ATP8B4: variants seen among roughly 807,000 people sequenced by gnomAD.
ATP8B4 encodes the protein ATPase phospholipid transporting 8B4 (putative), also known as probable phospholipid-transporting ATPase IM.
ATP8B4 carries 133 observed loss-of-function variants against 145.6 expected under a neutral mutation model. The ratio of observed to expected loss-of-function variants is 0.91; its 90% CI spans 0.79 to 1.05. The LOEUF is 1.05. ATP8B4 is among the 50% of genes least tolerant of loss of function. The probability of loss-of-function intolerance (pLI) is 0.00; values close to 1 mark genes in which losing one functional copy is unlikely to be tolerated. For synonymous variants in ATP8B4, 507 were observed against 492.9 expected (o/e 1.03, Z -0.38); for missense variants, 1,458 against 1,425.2 (o/e 1.02, Z -0.37).
intron 9 of ATP8B4, among the ~76,000 whole-genome samples, chr15:49,992,238 G>A (rs2413997): frequency 0.66 from 100,218 of 152,038 alleles, 34,593 homozygotes; most frequent in East Asian, 0.99. Flanking sequence ...TCACATATCA[G>A]CATCATGTTT....
chr15:50,087,356 T>A (rs1302761403), intron 2 of ATP8B4, among the ~76,000 whole-genome samples: 4 of 43,322 alleles, frequency 9.2e-5, no homozygotes, highest in Admixed American at 2.7e-4. Flanking sequence ...ATCTATATAT[T>A]ATATATAATA....
chr15:50,164,028 T>C (rs781017720), intron 1 of ATP8B4, among the ~76,000 whole-genome samples: 1 of 152,136 alleles, frequency 6.6e-6, no homozygotes, highest in Non-Finnish European at 1.5e-5. Flanking sequence ...TTCTGGGCAG[T>C]GGGCTCCCCT....
chr15:50,158,502 G>A (rs552039670), intron 1 of ATP8B4, among the ~76,000 whole-genome samples: 305 of 150,244 alleles, frequency 2.0e-3, no homozygotes, highest in African/African-American at 7.2e-3. Flanking sequence ...GCCTCCGCCC[G>A]GCCAGCCGCC....
At chr15:49,957,976 T>C (rs1469715041) in intron 14 of ATP8B4, among the ~76,000 whole-genome samples, 1 of 151,774 alleles carries the variant, frequency 6.6e-6, no homozygotes, top group Non-Finnish European at 1.5e-5. Flanking sequence ...TTCTTAAGGG[T>C]CCTGAAACAT....
chr15:50,169,117 G>A (rs773786752), intron 1 of ATP8B4, among the ~76,000 whole-genome samples: 45 of 152,044 alleles, frequency 3.0e-4, no homozygotes, highest in Non-Finnish European at 5.3e-4. Context: ...GAAGAAAAAC[G>A]GCCTATAATC....
At chr15:49,887,591 G>A (rs577914866) in intron 23 of ATP8B4, among the ~76,000 whole-genome samples, 71 of 151,834 alleles carry the variant, frequency 4.7e-4, no homozygotes, top group African/African-American at 1.6e-3. Flanking sequence ...CTCTGAACAA[G>A]AGAGAAAAGC....
intron 3 of ATP8B4, among the ~76,000 whole-genome samples, chr15:50,069,044 A>G (rs1034067945): frequency 2.0e-5 from 3 of 152,332 alleles, no homozygotes; most frequent in Non-Finnish European, 2.9e-5. Flanking sequence ...AACATATTTT[A>G]AAACAACTGT....
chr15:49,908,023 C>G (rs1016694618), intron 20 of ATP8B4: 30 of 455,878 alleles, frequency 6.6e-5, no homozygotes, highest in African/African-American at 6.0e-4. Context: ...GAACCACGGA[C>G]TACTTTGGGC....
chr15:49,862,295 C>CCA lies in ATP8B4; in HGVS notation c.3245_3246dup (p.Val1083TrpfsTer7). 6.2e-7 allele frequency: 1 copy of CCA among 1,613,744 alleles called. No individual in the cohort carries two copies. The highest frequency in any genetic ancestry group is 8.5e-7 in the Non-Finnish European group (1 of 1,179,700). On this transcript the variant is annotated frameshift_variant, in exon 27 of 28. Transcript: ENST00000284509. LOFTEE classifies it high-confidence loss of function. The stretch of plus-strand genomic sequence containing the variant: ...TCCACCTTCAAAAATCTGAATGCCA[C>CCA]CACTGGCATAACTGAAGCCACTGTT...
intron 14 of ATP8B4, 102 bp downstream of exon 14, chr15:49,961,875 T>C: frequency 1.0e-6 from 1 of 991,156 alleles, no homozygotes; most frequent in South Asian, 1.6e-5. Context: ...AAGTATCTCA[T>C]CTGGTCTTGG....
intron 20 of ATP8B4, among the ~76,000 whole-genome samples, chr15:49,909,182 C>A (rs2038957027): frequency 6.6e-6 from 1 of 152,110 alleles, no homozygotes; most frequent in Admixed American, 6.5e-5. Context: ...ACCTAGGGGC[C>A]TGGGGATCAC....
intron 9 of ATP8B4, among the ~76,000 whole-genome samples, chr15:49,994,686 G>A (rs1394095236): frequency 6.6e-6 from 1 of 151,978 alleles, no homozygotes; most frequent in East Asian, 1.9e-4. Context: ...TGCTGAAGAG[G>A]GGGATGCTTA....
At chr15:50,110,114 T>C (rs570494515) in intron 1 of ATP8B4, among the ~76,000 whole-genome samples, 1 of 152,370 alleles carries the variant, frequency 6.6e-6, no homozygotes, top group Non-Finnish European at 1.5e-5. Context: ...TAGAAAATAT[T>C]CTGTCACGGT....
intron 6 of ATP8B4, among the ~76,000 whole-genome samples, chr15:50,037,180 T>C (rs1243564033): frequency 6.6e-6 from 1 of 152,218 alleles, no homozygotes; most frequent in Non-Finnish European, 1.5e-5. Flanking sequence ...GAGTTATTAG[T>C]TCAAATTCAC....
intron 2 of ATP8B4, among the ~76,000 whole-genome samples, chr15:50,106,728 C>T (rs1244505021): frequency 6.6e-6 from 1 of 152,088 alleles, no homozygotes; most frequent in African/African-American, 2.4e-5. Context: ...AAAAGGAGCA[C>T]AAGGGAACTT....
intron 6 of ATP8B4, among the ~76,000 whole-genome samples, chr15:50,029,255 A>AAAAAAAAAAAAAAAAAAAACAAC (rs776952913): frequency 2.1e-5 from 3 of 141,270 alleles, no homozygotes; most frequent in Non-Finnish European, 1.6e-5. Flanking sequence ...AAAAAAAAAA[A>AAAAAAAAAAAAAAAAAAAACAAC]AACAGAAAAA....
At chr15:49,964,152 T>C (rs1475442848) in intron 13 of ATP8B4, among the ~76,000 whole-genome samples, 2 of 152,182 alleles carry the variant, frequency 1.3e-5, no homozygotes, top group Admixed American at 6.5e-5. Flanking sequence ...GTTCTATTTG[T>C]TGTTTCTCTG....
intron 3 of ATP8B4, among the ~76,000 whole-genome samples, chr15:50,050,310 G>T: frequency 6.6e-6 from 1 of 152,136 alleles, no homozygotes; most frequent in Non-Finnish European, 1.5e-5. Flanking sequence ...CATGTCCAAA[G>T]ATTTCATTGG....
intron 19 of ATP8B4, 172 bp from the exon 20 acceptor site, chr15:49,917,211 C>T (rs892484660): frequency 3.6e-6 from 2 of 555,788 alleles, no homozygotes; most frequent in East Asian, 6.0e-5. Flanking sequence ...AATTCAAAGA[C>T]CTGGGTTTCA....
Sources: gnomAD v4.1 joint callset for allele counts (sites outside exome capture counted in the v4.1 genomes callset) on GRCh38, gnomAD v4.1.1 for gene constraint, MANE v1.5 for transcripts, NCBI Gene and HGNC (gene_info 2026-07-23, HGNC 2026-07-21) for gene names.